The following STAT4 variants were observed in gnomAD, a reference collection of about 807,000 sequenced individuals.
STAT4 encodes the protein signal transducer and activator of transcription 4.
In STAT4, 42 loss-of-function variants were observed where a neutral mutation model predicts 110.5. The ratio of observed to expected loss-of-function variants is 0.38; its 90% CI spans 0.30 to 0.49. The LOEUF is 0.49. Ranked by LOEUF, STAT4 falls within the 20% of genes least tolerant of loss-of-function variation. STAT4 has a pLI of 0.95. For missense variants in STAT4, 632 were observed against 887.9 expected, an observed-to-expected ratio of 0.71 and a Z score of 3.66; for synonymous variants, 284 against 302.2, an observed-to-expected ratio of 0.94 and a Z score of 0.63.
Position 191,140,393 on chromosome 2 carries a change from C to T in STAT4, c.273+6220G>A, listed in dbSNP as rs1215022469. Among the ~76,000 whole-genome samples, 10 of 152,072 alleles carry T rather than the reference C, an allele frequency of 6.6e-5. No individual in the cohort carries two copies. ...TAATCTGCAAGGAACTCAAACAAAT[C>T]AGCAAAAAAACTAATAATAATCCCA... is the stretch of plus-strand genomic sequence containing the variant. On this transcript the variant is annotated intron_variant, in intron 3 of 23. Transcript: ENST00000392320. The surrounding 1 kb of genome is among the most constrained non-coding windows in gnomAD (Gnocchi z 4.4).
intron 3 of STAT4, among the ~76,000 whole-genome samples, chr2:191,093,269 G>A (rs951162929): frequency 6.6e-6 from 1 of 152,322 alleles, no homozygotes; most frequent in Admixed American, 6.5e-5. Context: ...CCCCTGTGTA[G>A]CCTAACCGGG....
intron 3 of STAT4, among the ~76,000 whole-genome samples, chr2:191,120,479 C>T (rs1381604586): frequency 6.6e-6 from 1 of 152,150 alleles, no homozygotes; most frequent in Non-Finnish European, 1.5e-5. Context: ...GATTGAGCCA[C>T]TGCACTCTAG....
At chr2:191,041,273 T>G in intron 14 of STAT4, 125 bp from the exon 15 acceptor site, 1 of 362,766 alleles carries the variant, frequency 2.8e-6, no homozygotes, top group Admixed American at 4.9e-5. Flanking sequence ...CCAAACAGTC[T>G]CTATTATTGA....
intron 3 of STAT4, among the ~76,000 whole-genome samples, chr2:191,129,391 C>T (rs1040968716): frequency 1.3e-5 from 2 of 151,912 alleles, no homozygotes; most frequent in Admixed American, 6.6e-5. Flanking sequence ...GAGTTCAAGT[C>T]CAGCCTGGGC....
rs553564502 is a variant in STAT4, at chr2:191,076,142, C to T, written c.372+85G>A. 2.1e-5 allele frequency: 24 copies of T among 1,154,844 alleles called. 1 individual carries two copies. The East Asian group carries it at 5.7e-4, about 27-fold the overall frequency. 71.5% of individuals were successfully genotyped at this position (1,154,844 alleles called of 1,614,324 possible). ...GTGTTAGGATTACAGGTGTGAGCCACTGTACCCTACCAAAGATAATAATTT... is the reference window on the plus strand; with the variant it reads ...GTGTTAGGATTACAGGTGTGAGCCATTGTACCCTACCAAAGATAATAATTT... On this transcript the variant is annotated intron_variant, in intron 4 of 23. Coordinates refer to ENST00000392320, the MANE Select transcript of STAT4 (RefSeq NM_003151.4).
chr2:191,141,558 T>C (rs2125446982), intron 3 of STAT4, among the ~76,000 whole-genome samples: 1 of 146,486 alleles, frequency 6.8e-6, no homozygotes, highest in South Asian at 2.1e-4. Context: ...TATTTTTATA[T>C]ATACCATATA....
chr2:191,113,957 T>C lies in STAT4; in HGVS notation c.273+32656A>G, dbSNP rs149417675. 4.2e-3 allele frequency among the ~76,000 whole-genome samples: 638 copies of C among 152,348 alleles called. 2 individuals are homozygous for C. Among genetic ancestry groups the C allele is most frequent in the Non-Finnish European group, 6.5e-3 (445 of 68,024 alleles). On this transcript the variant is annotated intron_variant, in intron 3 of 23. Coordinates refer to ENST00000392320, the MANE Select transcript of STAT4 (RefSeq NM_003151.4). This position sits in a 1 kb window ranked among gnomAD's most constrained non-coding sequence, Gnocchi z 4.8. ...AGACAGGAGGTTCCCCTAGAGTTTATGGCTGATCAAATCTGATGTTTAAAA... is the reference window on the plus strand; with the variant it reads ...AGACAGGAGGTTCCCCTAGAGTTTACGGCTGATCAAATCTGATGTTTAAAA...
chr2:191,067,734 T>C (rs2125245126), intron 6 of STAT4, among the ~76,000 whole-genome samples: 1 of 152,278 alleles, frequency 6.6e-6, no homozygotes, highest in East Asian at 1.9e-4. Context: ...CTCCTACTGA[T>C]CTACATTTTA....
chr2:191,114,310 T>G (rs1698507646), intron 3 of STAT4, among the ~76,000 whole-genome samples: 1 of 152,162 alleles, frequency 6.6e-6, no homozygotes, highest in African/African-American at 2.4e-5. Flanking sequence ...ATTTTGCTGG[T>G]TATTTGTTGC....
In STAT4 at chr2:191,042,418, C is replaced by T. The variant is rs978193526; in HGVS notation, c.1252-1270G>A. ...CAATAAATATATGGCATGTTGAAGG[C>T]GCAGATCAACCGTTTGTAATGGGAA... On this transcript the variant is annotated intron_variant, in intron 14 of 23. Coordinates refer to ENST00000392320, the MANE Select transcript of STAT4 (RefSeq NM_003151.4). The surrounding 1 kb of genome is among the most constrained non-coding windows in gnomAD (Gnocchi z 4.2). Among the ~76,000 whole-genome samples the T allele has an allele frequency of 5.3e-5, 8 of 152,110 alleles. No homozygotes were observed. Among genetic ancestry groups the T allele is most frequent in the Non-Finnish European group, 1.0e-4 (7 of 68,040 alleles).
At chr2:191,085,718 G>A (rs1697617157) in intron 3 of STAT4, among the ~76,000 whole-genome samples, 3 of 152,138 alleles carry the variant, frequency 2.0e-5, no homozygotes. Flanking sequence ...TGATAACTTT[G>A]GAGACAGTGC....
chr2:191,148,595 T>G (rs1448162399), intron 1 of STAT4, among the ~76,000 whole-genome samples: 1 of 152,234 alleles, frequency 6.6e-6, no homozygotes, highest in Admixed American at 6.5e-5. Flanking sequence ...TGACATTTAC[T>G]ATACCTCCTA....
chr2:191,141,700 G>A (rs978573560), intron 3 of STAT4, among the ~76,000 whole-genome samples: 1 of 151,092 alleles, frequency 6.6e-6, no homozygotes, highest in African/African-American at 2.4e-5. Flanking sequence ...GCACTATCTC[G>A]GCTCACTGCA....
At position 191,043,006 on chromosome 2, in the gene STAT4, C is replaced by T. The variant is rs930399357; in HGVS notation, c.1252-1858G>A. On this transcript the variant is annotated intron_variant, in intron 14 of 23. Coordinates refer to ENST00000392320, the MANE Select transcript of STAT4 (RefSeq NM_003151.4). This position sits in a 1 kb window ranked among gnomAD's most constrained non-coding sequence, Gnocchi z 4.8. The stretch of plus-strand genomic sequence containing the variant: ...GTTGGTCAAGCTGGGCTCGAACTCC[C>T]GACCTCAGGTGATCCACCCGCCTTG... Among the ~76,000 whole-genome samples, 7 of 152,010 alleles carry T rather than the reference C, an allele frequency of 4.6e-5. No individual in the cohort carries two copies. The highest frequency in any genetic ancestry group is 2.1e-4 in the South Asian group (1 of 4,810).
intron 14 of STAT4, among the ~76,000 whole-genome samples, chr2:191,044,735 C>T (rs1036669692): frequency 1.2e-4 from 18 of 152,158 alleles, no homozygotes; most frequent in African/African-American, 2.4e-5. Context: ...AGATAGAGTG[C>T]TCCCAGAGCG....
chr2:191,087,322 T>C (rs1697660916), intron 3 of STAT4, among the ~76,000 whole-genome samples: 1 of 152,214 alleles, frequency 6.6e-6, no homozygotes, highest in South Asian at 2.1e-4. Context: ...GCGTGAAACC[T>C]GTTTTAAGTT....
At chr2:191,121,029 A>G (rs1698710468) in intron 3 of STAT4, among the ~76,000 whole-genome samples, 1 of 152,224 alleles carries the variant, frequency 6.6e-6, no homozygotes, top group Non-Finnish European at 1.5e-5. Flanking sequence ...TCATCTGACA[A>G]AGGGCTAATA....
chr2:191,133,456 G>A (rs1403391139), intron 3 of STAT4, among the ~76,000 whole-genome samples: 1 of 150,308 alleles, frequency 6.7e-6, no homozygotes, highest in East Asian at 2.0e-4. Flanking sequence ...TGTTCCTGGT[G>A]TGTGTGTGGG....
Position 191,050,556 on chromosome 2 carries a change from A to AC in STAT4, c.1251+3933dup, listed in dbSNP as rs1181387901. Among the ~76,000 whole-genome samples, 1 of 151,902 alleles carries AC rather than the reference A, an allele frequency of 6.6e-6. No individual in the cohort carries two copies. Among genetic ancestry groups the AC allele is most frequent in the East Asian group, 1.9e-4 (1 of 5,188 alleles). On this transcript the variant is annotated intron_variant, in intron 14 of 23. Transcript: ENST00000392320. The surrounding 1 kb of genome is among the most constrained non-coding windows in gnomAD (Gnocchi z 4.3). ...GGATTAAAGAATCTTAGTCAAAGGGACTTCAGAGATTGTCTAGTCCAATGA... is the reference window on the plus strand; with the variant it reads ...GGATTAAAGAATCTTAGTCAAAGGGACCTTCAGAGATTGTCTAGTCCAATGA...
Sources: gnomAD v4.1 joint callset for allele counts (sites outside exome capture counted in the v4.1 genomes callset) on GRCh38, gnomAD v4.1.1 for gene constraint, Gnocchi (gnomAD v3.1) non-coding constraint, MANE v1.5 for transcripts, NCBI Gene and HGNC (gene_info 2026-07-23, HGNC 2026-07-21) for gene names.